The following MTR variants were observed in gnomAD, a reference collection of about 807,000 sequenced individuals.
MTR encodes methionine synthase.
In MTR, 84 loss-of-function variants were observed where a neutral mutation model predicts 154.8. The ratio of observed to expected loss-of-function variants is 0.54; its 90% CI spans 0.45 to 0.65. The LOEUF (loss-of-function observed/expected upper bound fraction) is 0.65. Among genes scored for constraint, MTR ranks in the 30% least tolerant of loss-of-function variants. The pLI is 0.00. For missense variants in MTR, 1,275 were observed against 1,570.2 expected, an observed-to-expected ratio of 0.81 and a Z score of 3.18; for synonymous variants, 554 against 553.9, an observed-to-expected ratio of 1.00 and a Z score of 0.00.
chr1:236,886,168 A>G (rs958006913), intron 26 of MTR, 124 bp from the exon 27 acceptor site: 8 of 786,904 alleles, frequency 1.0e-5, no homozygotes, highest in Middle Eastern at 3.3e-4. Flanking sequence ...TAGAATAAAC[A>G]TTCTCATGAA....
At chr1:236,877,146 AC>A (rs1279635108) in intron 24 of MTR, among the ~76,000 whole-genome samples, 1 of 152,200 alleles carries the variant, frequency 6.6e-6, no homozygotes, top group Non-Finnish European at 1.5e-5. Context: ...ACCTCCAAGC[AC>A]TTCACTGTAG....
chr1:236,851,627 T>C (rs1663911346), intron 16 of MTR, among the ~76,000 whole-genome samples: 1 of 152,238 alleles, frequency 6.6e-6, no homozygotes, highest in African/African-American at 2.4e-5. Context: ...AATGCTCTGG[T>C]ATTCCCTAAT....
rs1312876911 is a variant in MTR at position 236,863,501 on chromosome 1, G to T, written c.2352G>T (p.Val784=). The change falls in exon 22 of 33, where the codon GTG becomes GTT. Residue 784 remains valine, a synonymous_variant. Coordinates refer to ENST00000366577, the MANE Select transcript of MTR (RefSeq NM_000254.3). ...TIVLATVKGD[V]HDIGKNIVGV... is the part of the protein sequence containing the mutation. ...TGCTGGCCACTGTTAAAGGCGACGT[G>T]CACGACATAGGCAAGAACATAGTTG... 1 of 1,614,048 alleles carries T rather than the reference G, an allele frequency of 6.2e-7. No individual in the cohort carries two copies. Among genetic ancestry groups the T allele is most frequent in the East Asian group, 2.2e-5 (1 of 44,874 alleles).
intron 22 of MTR, among the ~76,000 whole-genome samples, chr1:236,870,630 C>T (rs564715621): frequency 5.9e-5 from 9 of 152,130 alleles, no homozygotes; most frequent in Non-Finnish European, 1.3e-4. Flanking sequence ...TTTGTGACTT[C>T]AGTATCATCT....
intron 8 of MTR, among the ~76,000 whole-genome samples, chr1:236,823,039 G>A (rs755237954): frequency 7.9e-5 from 12 of 152,076 alleles, no homozygotes; most frequent in Admixed American, 2.0e-4. Flanking sequence ...TTTAATGAAT[G>A]AGTATTGGAT....
chr1:236,895,313 A>C, intron 30 of MTR, 45 bp from the exon 31 acceptor site: 1 of 1,555,968 alleles, frequency 6.4e-7, no homozygotes, highest in Non-Finnish European at 8.7e-7. Flanking sequence ...TGATGCTGTG[A>C]GCCCCTGCGT....
In MTR at chr1:236,895,515, C is replaced by T; in HGVS notation, c.3563C>T (p.Thr1188Ile). Residue 1188 changes from threonine to isoleucine, a missense_variant, in exon 31 of 33, where the codon ACC becomes ATC. Thr to Ile is a moderately conservative substitution (Grantham distance 89). Transcript: ENST00000366577. ...PSQPDHTEKL[T>I]MWRLADIEQS... ...CAGCCCGACCACACCGAGAAGCTCA[C>T]CATGTGGAGACTCGCAGACATCGAG... 1 of 1,591,216 alleles carries T rather than the reference C, an allele frequency of 6.3e-7. No homozygotes were observed. Among genetic ancestry groups the T allele is most frequent in the Non-Finnish European group, 8.6e-7 (1 of 1,167,888 alleles).
At chr1:236,856,463 CTTCTTTCTTCTTTCTTTTT>C (rs1194883605) in intron 18 of MTR, among the ~76,000 whole-genome samples, 1 of 151,452 alleles carries the variant, frequency 6.6e-6, no homozygotes, top group Non-Finnish European at 1.5e-5. Context: ...CTTCTTCTTT[CTTCTTTCTTCTTTCTTTTT>C]TTCTTTCTTC....
In MTR at chr1:236,795,462, C is replaced by A; in HGVS notation, c.-242C>A. On this transcript the variant is annotated 5_prime_UTR_variant, in exon 1 of 33. Coordinates refer to ENST00000366577, the MANE Select transcript of MTR (RefSeq NM_000254.3). ...GCCGACACCAAGGACTGGCCGGGTA[C>A]CCGGGAAGAAAGCACGTGCTCCAGC... The A allele has an allele frequency of 6.7e-7, 1 of 1,502,008 alleles. No homozygotes were observed. The highest frequency in any genetic ancestry group is 8.9e-7 in the Non-Finnish European group (1 of 1,124,750). The allele number at this position is 1,502,008 out of a possible 1,614,324, so 93.0% of individuals were successfully genotyped here. A position where few individuals can be genotyped will look rare whatever the true frequency, so the allele number is the denominator to read the frequency against.
chr1:236,871,483 C>T (rs185182735), intron 22 of MTR, among the ~76,000 whole-genome samples: 4 of 151,704 alleles, frequency 2.6e-5, no homozygotes, highest in Non-Finnish European at 2.9e-5. Context: ...CATACTGATG[C>T]GTTTTAGTTG....
intron 6 of MTR, among the ~76,000 whole-genome samples, chr1:236,813,691 T>C (rs1483558206): frequency 1.3e-5 from 2 of 152,350 alleles, no homozygotes; most frequent in Non-Finnish European, 1.5e-5. Flanking sequence ...TTATGTCTTC[T>C]GTCCTTTTTT....
chr1:236,838,047 A>G (rs1312600253), intron 14 of MTR, among the ~76,000 whole-genome samples: 2 of 152,194 alleles, frequency 1.3e-5, no homozygotes. Flanking sequence ...ACAAGGCTAA[A>G]CCTTAATCCC....
intron 22 of MTR, among the ~76,000 whole-genome samples, chr1:236,864,052 T>A (rs1226017201): frequency 1.3e-5 from 2 of 152,254 alleles, no homozygotes; most frequent in Non-Finnish European, 2.9e-5. Context: ...AGCTAGATTT[T>A]GGAATGTTGT....
chr1:236,860,254 G>A (rs901825810), intron 19 of MTR, among the ~76,000 whole-genome samples: 5 of 152,094 alleles, frequency 3.3e-5, no homozygotes, highest in African/African-American at 4.8e-5. Context: ...TAGTAGCGCC[G>A]AGGCTGCGAA....
At chr1:236,800,379 C>G in intron 1 of MTR, 1 of 985,366 alleles carries the variant, frequency 1.0e-6, no homozygotes, top group Non-Finnish European at 1.2e-6. Flanking sequence ...TCACACTAGG[C>G]TTATGATTCA....
rs1474412109 is a variant in MTR at position 236,891,162 on chromosome 1, G to A, written c.3037G>A (p.Ala1013Thr). 11 of 1,614,034 alleles carry A rather than the reference G, an allele frequency of 6.8e-6. No individual in the cohort carries two copies. Among genetic ancestry groups the A allele is most frequent in the Admixed American group, 1.7e-5 (1 of 60,004 alleles). The change falls in exon 29 of 33, where the codon GCC becomes ACC. Residue 1013 changes from alanine to threonine, a missense_variant. Ala to Thr is a moderately conservative substitution (Grantham distance 58). Transcript: ENST00000366577. ...AGAGGCCAGGAAGGTCTACGATGAT[G>A]CCCACAATATGCTGAACACACTGAT... Reference protein sequence around the residue: ...GGEARKVYDDAHNMLNTLISQ... With the variant: ...GGEARKVYDDTHNMLNTLISQ...
chr1:236,885,411 GA>G (rs1665960460), intron 26 of MTR, among the ~76,000 whole-genome samples, 192 bp downstream of exon 26: 1 of 152,138 alleles, frequency 6.6e-6, no homozygotes, highest in South Asian at 2.1e-4. Flanking sequence ...TGGTTGTATT[GA>G]AATGAATTTT....
Position 236,889,170 on chromosome 1 carries a change from C to G in MTR, c.2852-11C>G. On this transcript the variant is annotated splice_polypyrimidine_tract_variant and intron_variant, in intron 27 of 32. Transcript: ENST00000366577. ...AGCGTCAGCATTGACAACCATACTT[C>G]TCTCCTGTAGTGAAGCCCACGTTTA... 1 of 1,614,076 alleles carries G rather than the reference C, an allele frequency of 6.2e-7. No individual in the cohort carries two copies. Among genetic ancestry groups the G allele is most frequent in the Middle Eastern group, 1.7e-4 (1 of 6,008 alleles).
At chr1:236,838,633 T>G in intron 15 of MTR, 34 bp downstream of exon 15, 1 of 1,612,708 alleles carries the variant, frequency 6.2e-7, no homozygotes, top group Non-Finnish European at 8.5e-7. Context: ...TCCATTGTGT[T>G]TCCCAGGTTA....
Sources: gnomAD v4.1 joint callset for allele counts (sites outside exome capture counted in the v4.1 genomes callset) on GRCh38, gnomAD v4.1.1 for gene constraint, MANE v1.5 for transcripts, NCBI Gene and HGNC (gene_info 2026-07-23, HGNC 2026-07-21) for gene names.